BICC1: variants seen among roughly 807,000 people sequenced by gnomAD.
BICC1 encodes the protein protein bicaudal C homolog 1.
A neutral mutation model predicts 111.0 loss-of-function variants in BICC1; 43 were observed. The observed-to-expected ratio is 0.39, with a 90% CI of 0.30 to 0.50. The LOEUF is 0.50. Ranked by LOEUF, BICC1 falls within the 20% of genes least tolerant of loss-of-function variation. The pLI is 0.88. For missense variants in BICC1, 1,091 were observed against 1,203.2 expected, an observed-to-expected ratio of 0.91 and a Z score of 1.38; for synonymous variants, 467 against 434.4, an observed-to-expected ratio of 1.07 and a Z score of -0.93.
intron 2 of BICC1, among the ~76,000 whole-genome samples, chr10:58,626,222 A>T (rs1053474857): frequency 2.0e-5 from 3 of 152,204 alleles, no homozygotes; most frequent in African/African-American, 7.2e-5. Context: ...GGTAAAGATG[A>T]TCATCAATGT....
At chr10:58,548,924 A>T (rs997160774) in intron 1 of BICC1, among the ~76,000 whole-genome samples, 2 of 152,000 alleles carry the variant, frequency 1.3e-5, no homozygotes, top group African/African-American at 2.4e-5. Flanking sequence ...CAGTGGTGCG[A>T]TCATGGCTCA....
chr10:58,784,994 C>T lies in BICC1; in HGVS notation c.308-7C>T, dbSNP rs1439594696. 2.0e-6 allele frequency: 3 copies of T among 1,519,298 alleles called. No individual in the cohort carries two copies. Among genetic ancestry groups the T allele is most frequent in the Admixed American group, 3.7e-5 (2 of 53,954 alleles). 94.1% of individuals were successfully genotyped at this position (1,519,298 alleles called of 1,614,324 possible). On this transcript the variant is annotated splice_region_variant and splice_polypyrimidine_tract_variant and intron_variant, in intron 3 of 20. Coordinates refer to ENST00000373886, the MANE Select transcript of BICC1 (RefSeq NM_001080512.3). Reference sequence around the variant, plus strand: ...TTTCACACAAGCCTTTTATTTCTTTCTTATAGATCCCCATATTAAGGTTTC... The same window carrying T: ...TTTCACACAAGCCTTTTATTTCTTTTTTATAGATCCCCATATTAAGGTTTC...
chr10:58,805,321 A>C (rs953358824), intron 15 of BICC1, among the ~76,000 whole-genome samples: 1 of 151,864 alleles, frequency 6.6e-6, no homozygotes, highest in African/African-American at 2.4e-5. Context: ...AAACAAAAAA[A>C]CTGCAAGTCA....
intron 2 of BICC1, among the ~76,000 whole-genome samples, chr10:58,684,236 T>C (rs1839635763): frequency 6.6e-6 from 1 of 152,216 alleles, no homozygotes; most frequent in Non-Finnish European, 1.5e-5. Context: ...AACTTGATCA[T>C]GGTGGATAAT....
At chr10:58,562,727 A>T in intron 1 of BICC1, among the ~76,000 whole-genome samples, 1 of 141,228 alleles carries the variant, frequency 7.1e-6, no homozygotes, top group African/African-American at 2.7e-5. Context: ...ACTGCTTCTG[A>T]TTTTATGTAG....
intron 1 of BICC1, among the ~76,000 whole-genome samples, chr10:58,599,323 A>G (rs1564505778): frequency 1.3e-5 from 2 of 152,206 alleles, no homozygotes; most frequent in Non-Finnish European, 2.9e-5. Context: ...GGCAGCCCTA[A>G]ATAGGGACGA....
At chr10:58,766,662 T>C (rs139296051) in intron 3 of BICC1, among the ~76,000 whole-genome samples, 140 of 152,178 alleles carry the variant, frequency 9.2e-4, no homozygotes, top group African/African-American at 3.2e-3. Context: ...AGCAGAGAAG[T>C]TCCAGCTCAC....
Position 58,729,214 on chromosome 10 carries a change from A to G in BICC1, c.307+27071A>G, listed in dbSNP as rs140344893. 1.3e-4 allele frequency among the ~76,000 whole-genome samples: 20 copies of G among 152,322 alleles called. No individual in the cohort carries two copies. The East Asian group carries it at 1.9e-3, about 15-fold the overall frequency. On this transcript the variant is annotated intron_variant, in intron 3 of 20. Coordinates refer to ENST00000373886, the MANE Select transcript of BICC1 (RefSeq NM_001080512.3). Reference sequence around the variant, plus strand: ...TTTCCAACAGAAGGCTGTTTTGTCTACGTTGAAAATTTGTTGTTCAGTGTA... The same window carrying G: ...TTTCCAACAGAAGGCTGTTTTGTCTGCGTTGAAAATTTGTTGTTCAGTGTA...
chr10:58,577,617 C>T (rs1046129623), intron 1 of BICC1, among the ~76,000 whole-genome samples: 2 of 152,108 alleles, frequency 1.3e-5, no homozygotes, highest in Non-Finnish European at 1.5e-5. Context: ...ACCACTAATG[C>T]CAGATGTTAT....
chr10:58,796,972 C>T (rs1420641463), intron 10 of BICC1, among the ~76,000 whole-genome samples: 1 of 152,098 alleles, frequency 6.6e-6, no homozygotes, highest in Non-Finnish European at 1.5e-5. Flanking sequence ...CCCGCATCTC[C>T]AGTGGTTAGG....
intron 1 of BICC1, among the ~76,000 whole-genome samples, chr10:58,574,886 T>C (rs1844062240): frequency 6.6e-6 from 1 of 152,180 alleles, no homozygotes; most frequent in Non-Finnish European, 1.5e-5. Context: ...TCATTTCTTC[T>C]TCTGCATTCA....
chr10:58,707,858 C>T lies in BICC1; in HGVS notation c.307+5715C>T, dbSNP rs188009484. Among the ~76,000 whole-genome samples, 525 of 152,212 alleles carry T rather than the reference C, an allele frequency of 3.4e-3. 4 individuals are homozygous for T. The highest frequency in any genetic ancestry group is 0.012 in the African/African-American group (486 of 41,528). Reference sequence around the variant, plus strand: ...ATTACAAGGCACCTGCCACCACGCCCGGCTAATTTTGTATTTTTAGTAGAG... The same window carrying T: ...ATTACAAGGCACCTGCCACCACGCCTGGCTAATTTTGTATTTTTAGTAGAG... On this transcript the variant is annotated intron_variant, in intron 3 of 20. Coordinates refer to ENST00000373886, the MANE Select transcript of BICC1 (RefSeq NM_001080512.3).
chr10:58,711,291 A>G (rs970349056), intron 3 of BICC1, among the ~76,000 whole-genome samples: 8 of 152,344 alleles, frequency 5.3e-5, no homozygotes, highest in Non-Finnish European at 1.0e-4. Flanking sequence ...TAGAGAGAGC[A>G]TGGTCTAAAT....
At chr10:58,638,613 T>C (rs947431260) in intron 2 of BICC1, among the ~76,000 whole-genome samples, 12 of 152,148 alleles carry the variant, frequency 7.9e-5, no homozygotes, top group Non-Finnish European at 1.2e-4. Context: ...GAGCTGTGTG[T>C]GCCTCATCAG....
intron 3 of BICC1, among the ~76,000 whole-genome samples, chr10:58,731,426 A>G (rs1437395677): frequency 1.3e-5 from 2 of 152,038 alleles, no homozygotes; most frequent in African/African-American, 2.4e-5. Context: ...ACCTCTTCCT[A>G]TTACCCAGTT....
chr10:58,533,502 A>C (rs571517102), intron 1 of BICC1, among the ~76,000 whole-genome samples: 1 of 151,754 alleles, frequency 6.6e-6, no homozygotes, highest in Non-Finnish European at 1.5e-5. Flanking sequence ...TTTTAATTCA[A>C]TTTTCCATGA....
chr10:58,795,829 A>G (rs1843335123), intron 9 of BICC1, among the ~76,000 whole-genome samples: 1 of 152,218 alleles, frequency 6.6e-6, no homozygotes, highest in African/African-American at 2.4e-5. Context: ...TTAGCTAACT[A>G]GTAAACCATA....
intron 3 of BICC1, among the ~76,000 whole-genome samples, chr10:58,756,742 C>T (rs536231612): frequency 2.2e-4 from 33 of 149,268 alleles, no homozygotes; most frequent in African/African-American, 7.5e-4. Context: ...AGTTTAATAT[C>T]GAACAAAGGC....
At chr10:58,730,708 G>A (rs553402474) in intron 3 of BICC1, among the ~76,000 whole-genome samples, 1 of 152,198 alleles carries the variant, frequency 6.6e-6, no homozygotes, top group South Asian at 2.1e-4. Context: ...TCTTAACACA[G>A]TGTAGAAACC....
Sources: allele counts gnomAD v4.1 joint callset (sites outside exome capture counted in the v4.1 genomes callset), GRCh38; gene constraint gnomAD v4.1.1; transcripts MANE v1.5; gene names NCBI Gene and HGNC (gene_info 2026-07-23, HGNC 2026-07-21).